The following PLEKHA5 variants were observed in gnomAD, a reference collection of about 807,000 sequenced individuals.
The protein encoded by PLEKHA5 is pleckstrin homology domain containing A5.
In PLEKHA5, 55 loss-of-function variants were observed where a neutral mutation model predicts 181.9. That is an observed-to-expected ratio of 0.30 (90% CI 0.24 to 0.38). PLEKHA5 has a LOEUF of 0.38. PLEKHA5 is among the 10% of genes least tolerant of loss of function. The pLI is 1.00. For synonymous variants in PLEKHA5, 535 were observed against 529.4 expected, an observed-to-expected ratio of 1.01 and a Z score of -0.15; for missense variants, 1,432 against 1,549.5, an observed-to-expected ratio of 0.92 and a Z score of 1.27.
intron 15 of PLEKHA5, among the ~76,000 whole-genome samples, chr12:19,299,324 A>T (rs1283875702): frequency 1.3e-5 from 2 of 152,222 alleles, no homozygotes; most frequent in Non-Finnish European, 2.9e-5. Flanking sequence ...TTAGCTGATT[A>T]CATGTTGGCA....
At chr12:19,282,475 G>A (rs928047192) in intron 11 of PLEKHA5, among the ~76,000 whole-genome samples, 3 of 152,126 alleles carry the variant, frequency 2.0e-5, no homozygotes, top group Non-Finnish European at 4.4e-5. Flanking sequence ...CAAATGTACT[G>A]ATGTATTTAC....
At chr12:19,132,246 T>C (rs1385936988) in intron 2 of PLEKHA5, 147 bp from the exon 3 acceptor site, 2 of 595,200 alleles carry the variant, frequency 3.4e-6, no homozygotes, top group Non-Finnish European at 5.9e-6. Context: ...AAAAATGATA[T>C]CTGTTGTATT....
intron 3 of PLEKHA5, among the ~76,000 whole-genome samples, chr12:19,232,714 G>T (rs981832): frequency 0.87 from 131,733 of 152,048 alleles, 58,455 homozygotes; most frequent in Middle Eastern, 0.97. Flanking sequence ...TCCAGTTACT[G>T]TTTCTAAGAG....
intron 3 of PLEKHA5, among the ~76,000 whole-genome samples, chr12:19,182,351 T>C (rs2048817924): frequency 6.6e-6 from 1 of 152,236 alleles, no homozygotes; most frequent in South Asian, 2.1e-4. Context: ...GATTGTGCTG[T>C]ATTCTCATAG....
intron 3 of PLEKHA5, among the ~76,000 whole-genome samples, chr12:19,190,334 C>T (rs546897205): frequency 3.9e-5 from 6 of 152,168 alleles, no homozygotes; most frequent in African/African-American, 1.4e-4. Context: ...TAAATATTTC[C>T]TTTTTTGGTC....
At chr12:19,153,383 C>T (rs1170755345) in intron 3 of PLEKHA5, 1 of 152,108 alleles carries the variant, frequency 6.6e-6, no homozygotes, top group Non-Finnish European at 1.5e-5. Context: ...GTAAATCTTA[C>T]ATTGTTGGGA....
chr12:19,155,856 CTT>C (rs1335582423), intron 3 of PLEKHA5, among the ~76,000 whole-genome samples: 2 of 152,164 alleles, frequency 1.3e-5, no homozygotes, highest in Non-Finnish European at 2.9e-5. Flanking sequence ...CTAGAAATAA[CTT>C]ATATCACTGA....
intron 21 of PLEKHA5, 91 bp downstream of exon 21, chr12:19,336,707 G>T: frequency 1.5e-6 from 1 of 685,840 alleles, no homozygotes. Flanking sequence ...ACCCATAACA[G>T]TTTTTACATT....
intron 1 of PLEKHA5, 42 bp downstream of exon 1, chr12:19,129,930 G>C: frequency 6.4e-7 from 1 of 1,553,518 alleles, no homozygotes; most frequent in Non-Finnish European, 8.8e-7. Flanking sequence ...GGGGGCGGGA[G>C]GGCAGGAGGC....
intron 26 of PLEKHA5, among the ~76,000 whole-genome samples, chr12:19,356,662 CTTTTTTTTTT>C (rs57809332): frequency 5.8e-4 from 58 of 99,840 alleles, no homozygotes; most frequent in African/African-American, 2.3e-3. Context: ...AGTTGTTTTT[CTTTTTTTTTT>C]TTTTTTTTTT....
chr12:19,324,998 A>G (rs577365059), intron 20 of PLEKHA5, among the ~76,000 whole-genome samples: 1 of 152,260 alleles, frequency 6.6e-6, no homozygotes, highest in Non-Finnish European at 1.5e-5. Context: ...TTCCTTATCA[A>G]CTGGGATTAA....
chr12:19,283,256 A>G, intron 11 of PLEKHA5, 24 bp from the exon 12 acceptor site: 1 of 1,464,286 alleles, frequency 6.8e-7, no homozygotes, highest in Non-Finnish European at 9.3e-7. Context: ...TCATGTTTAC[A>G]TTTTAATTAT....
Position 19,274,924 on chromosome 12 carries a change from G to T in PLEKHA5, c.1254G>T (p.Gln418His). 6.2e-7 allele frequency: 1 copy of T among 1,613,500 alleles called. No individual in the cohort carries two copies. The change falls in exon 11 of 32, where the codon CAG becomes CAT. Residue 418 changes from glutamine to histidine, a missense_variant. Gln to His is a conservative substitution (Grantham distance 24). Coordinates refer to ENST00000429027, the MANE Select transcript of PLEKHA5 (RefSeq NM_001256470.2). The part of the protein sequence containing the change: ...DRVIQRTNSM[Q>H]QLEQWIKIQK... The stretch of plus-strand genomic sequence containing the variant: ...TCATACAGAGAACAAATTCAATGCA[G>T]CAGTTGGAACAGTGGATTAAAATCC...
intron 20 of PLEKHA5, among the ~76,000 whole-genome samples, chr12:19,332,118 T>G (rs2092903893): frequency 6.6e-6 from 1 of 151,562 alleles, no homozygotes; most frequent in South Asian, 2.1e-4. Flanking sequence ...AACCCCAAAT[T>G]AAAAAATTAT....
intron 3 of PLEKHA5, among the ~76,000 whole-genome samples, chr12:19,251,177 G>T (rs890649843): frequency 6.6e-6 from 1 of 152,138 alleles, no homozygotes; most frequent in African/African-American, 2.4e-5. Context: ...AGCCAAGGCT[G>T]ATGGATCACT....
rs1205163399 is a variant in PLEKHA5, at chr12:19,345,886, G to T, written c.2707G>T (p.Glu903Ter). 6.9e-7 allele frequency: 1 copy of T among 1,459,784 alleles called. No homozygotes were observed. The highest frequency in any genetic ancestry group is 9.5e-7 in the Non-Finnish European group (1 of 1,047,346). 90.4% of individuals were successfully genotyped at this position (1,459,784 alleles called of 1,614,324 possible). A position where few individuals can be genotyped will look rare whatever the true frequency, so the allele number is the denominator to read the frequency against. ...TTTCTCAACAGTTAAGTACAAAAAT[G>T]AGGTAAGTTTGGATTGTTTTTCTAA... ...KPFSTVKYKN[E>*]EEEVVPPRPP... The change falls in exon 23 of 32, where the codon GAG becomes TAG. Residue 903 changes from glutamate to a stop codon, truncating the protein, a stop_gained and splice_region_variant. Transcript: ENST00000429027. LOFTEE classifies it high-confidence loss of function.
intron 3 of PLEKHA5, chr12:19,154,009 C>G (rs138410232): frequency 2.2e-4 from 34 of 152,218 alleles, no homozygotes; most frequent in African/African-American, 7.9e-4. Flanking sequence ...TCTGTGTACT[C>G]TGTCCTTTTA....
rs1228357192 is a variant in PLEKHA5 at position 19,269,869 on chromosome 12, A to G, written c.811A>G (p.Thr271Ala). Residue 271 changes from threonine (T) to alanine (A), a missense_variant, in exon 9 of 32, where the codon ACA becomes GCA. Thr to Ala is a moderately conservative substitution (Grantham distance 58). Around this residue, in one of 2 missense-constraint regions of PLEKHA5, gnomAD observed 289 missense variants for 381.1 expected, o/e 0.76. Transcript: ENST00000429027. The stretch of plus-strand genomic sequence containing the variant: ...CATGTTAGATGCTGCCCTAGTACAG[A>G]CAGAACCTGTGAAAAGGTAAAGGCT... The part of the protein sequence containing the change: ...KAMLDAALVQ[T>A]EPVKRITFNF... 1 of 1,572,452 alleles carries G rather than the reference A, an allele frequency of 6.4e-7. No individual in the cohort carries two copies. Among genetic ancestry groups the G allele is most frequent in the Non-Finnish European group, 8.8e-7 (1 of 1,142,708 alleles).
chr12:19,185,097 T>C (rs1247455985), intron 3 of PLEKHA5, among the ~76,000 whole-genome samples: 2 of 152,152 alleles, frequency 1.3e-5, no homozygotes, highest in African/African-American at 2.4e-5. Context: ...TATACCTTTT[T>C]TTTTTTTCTT....
Sources: allele counts gnomAD v4.1 joint callset (sites outside exome capture counted in the v4.1 genomes callset), GRCh38; gene constraint gnomAD v4.1.1; regional missense constraint gnomAD v4.1.1; transcripts MANE v1.5; gene names NCBI Gene and HGNC (gene_info 2026-07-23, HGNC 2026-07-21).